Variants in ANXA3 observed in about 807,000 individuals in gnomAD.
ANXA3 encodes the protein annexin A3, also known as 35-alpha calcimedin.
A neutral mutation model predicts 48.8 loss-of-function variants in ANXA3; 46 were observed. The observed-to-expected ratio is 0.94, with a 90% CI of 0.74 to 1.21. The LOEUF (loss-of-function observed/expected upper bound fraction) is 1.21, where lower values mean the gene tolerates loss of function less well. Ranked by LOEUF, ANXA3 falls within the 50% of genes most tolerant of loss-of-function variation. The pLI is 0.00. For synonymous variants in ANXA3, 128 were observed against 134.7 expected (o/e 0.95, Z 0.35); for missense variants, 383 against 378.6 (o/e 1.01, Z -0.10).
At chr4:78,590,117 A>C (rs1169830613) in intron 6 of ANXA3, among the ~76,000 whole-genome samples, 13 of 152,204 alleles carry the variant, frequency 8.5e-5, no homozygotes, top group Non-Finnish European at 1.5e-5. Context: ...AGTCTCATCT[A>C]AATAATTCCA....
intron 5 of ANXA3, among the ~76,000 whole-genome samples, chr4:78,585,320 G>T (rs750271986): frequency 6.6e-6 from 1 of 152,162 alleles, no homozygotes; most frequent in Non-Finnish European, 1.5e-5. Context: ...CTTCTATCTT[G>T]AGGCTCTGCC....
chr4:78,597,908 C>G (rs1335666270), intron 10 of ANXA3, among the ~76,000 whole-genome samples: 1 of 152,182 alleles, frequency 6.6e-6, no homozygotes, highest in Admixed American at 6.5e-5. Context: ...GCTACCACAT[C>G]CAGCCATCTT....
At chr4:78,588,275 C>T (rs1723218889) in intron 6 of ANXA3, among the ~76,000 whole-genome samples, 1 of 152,036 alleles carries the variant, frequency 6.6e-6, no homozygotes, top group Non-Finnish European at 1.5e-5. Context: ...CGCCTACAGT[C>T]CCAGCTCCTC....
chr4:78,595,727 G>T (rs191355673), intron 8 of ANXA3, 67 bp from the exon 9 acceptor site: 5 of 1,001,106 alleles, frequency 5.0e-6, no homozygotes, highest in African/African-American at 4.9e-5. Flanking sequence ...ATACAACTCC[G>T]ATTCTTCTCA....
chr4:78,589,110 G>A (rs1277005399), intron 6 of ANXA3, among the ~76,000 whole-genome samples: 3 of 152,164 alleles, frequency 2.0e-5, no homozygotes, highest in African/African-American at 7.2e-5. Flanking sequence ...TTTCGTCTAT[G>A]TTGTTCACTG....
At chr4:78,599,115 A>C (rs887330696) in intron 10 of ANXA3, among the ~76,000 whole-genome samples, 2 of 152,234 alleles carry the variant, frequency 1.3e-5, no homozygotes, top group African/African-American at 4.8e-5. Flanking sequence ...CCAGTTTATA[A>C]AATTTTTTAT....
intron 5 of ANXA3, among the ~76,000 whole-genome samples, chr4:78,586,048 C>T (rs921340790): frequency 6.6e-6 from 1 of 152,124 alleles, no homozygotes; most frequent in South Asian, 2.1e-4. Context: ...TTGATTTTCA[C>T]ACTAGAGTGA....
chr4:78,609,884 G>T (rs12639656), intron 12 of ANXA3, among the ~76,000 whole-genome samples, 172 bp from the exon 13 acceptor site: 1 of 151,988 alleles, frequency 6.6e-6, no homozygotes, highest in African/African-American at 2.4e-5. Flanking sequence ...TGGTCAGAAC[G>T]TAATTACACT....
intron 2 of ANXA3, among the ~76,000 whole-genome samples, chr4:78,568,053 C>T (rs920266141): frequency 1.3e-5 from 2 of 151,638 alleles, no homozygotes; most frequent in African/African-American, 4.9e-5. Context: ...GGATTGGGGG[C>T]CTGCCACTGT....
chr4:78,591,440 T>C, intron 6 of ANXA3, 104 bp from the exon 7 acceptor site: 1 of 746,174 alleles, frequency 1.3e-6, no homozygotes, highest in Non-Finnish European at 2.4e-6. Context: ...ATTTATCTTA[T>C]CACATACCCA....
At chr4:78,591,671 C>T in intron 7 of ANXA3, 48 bp downstream of exon 7, 1 of 1,337,536 alleles carries the variant, frequency 7.5e-7, no homozygotes, top group Non-Finnish European at 1.1e-6. Context: ...GCTGCATGCT[C>T]AATAACAATT....
At chr4:78,586,231 TA>T in intron 5 of ANXA3, 28 bp from the exon 6 acceptor site, 1 of 1,588,488 alleles carries the variant, frequency 6.3e-7, no homozygotes, top group Non-Finnish European at 8.6e-7. Context: ...TTAAGTGTTC[TA>T]AAAATTAGAT....
chr4:78,607,322 T>C (rs1293888902), intron 12 of ANXA3, among the ~76,000 whole-genome samples: 1 of 152,196 alleles, frequency 6.6e-6, no homozygotes, highest in Non-Finnish European at 1.5e-5. Flanking sequence ...GTTTCTGAAA[T>C]TCATGGGATA....
chr4:78,560,298 G>A (rs796710591), intron 2 of ANXA3, among the ~76,000 whole-genome samples: 3 of 152,230 alleles, frequency 2.0e-5, no homozygotes, highest in Admixed American at 1.3e-4. Context: ...TTCAAGTGTC[G>A]GGAATCACCT....
At chr4:78,560,650 C>T (rs1027880355) in intron 2 of ANXA3, among the ~76,000 whole-genome samples, 1 of 152,194 alleles carries the variant, frequency 6.6e-6, no homozygotes, top group African/African-American at 2.4e-5. Flanking sequence ...CAATATCCAG[C>T]CCCTCTTTCC....
intron 3 of ANXA3, among the ~76,000 whole-genome samples, chr4:78,573,773 G>A (rs1722890818): frequency 6.6e-6 from 1 of 152,154 alleles, no homozygotes; most frequent in Admixed American, 6.5e-5. Flanking sequence ...AAACTGTAGT[G>A]CCACCCCTTT....
intron 2 of ANXA3, among the ~76,000 whole-genome samples, chr4:78,562,028 G>A (rs1027295316): frequency 2.6e-5 from 4 of 152,170 alleles, no homozygotes; most frequent in African/African-American, 7.2e-5. Context: ...CAACTGTGAA[G>A]GAGGGAGGGT....
At chr4:78,607,688 G>A (rs955357240) in intron 12 of ANXA3, among the ~76,000 whole-genome samples, 4 of 152,126 alleles carry the variant, frequency 2.6e-5, no homozygotes, top group African/African-American at 9.7e-5. Context: ...GAAACAATTA[G>A]AAGATAATAA....
At position 78,604,305 on chromosome 4, in the gene ANXA3, A is replaced by G. The variant is rs1472245710; in HGVS notation, c.818A>G (p.Asn273Ser). ...KGIGTDEFTL[N>S]RIMVSRSEID... ...ATTGGAACTGATGAGTTTACTCTGA[A>G]CCGAATAATGGTGTCCAGATCAGAA... The change falls in exon 12 of 13, where the codon AAC becomes AGC. Residue 273 changes from asparagine (N) to serine (S), a missense_variant. By Grantham distance (46) the Asn-to-Ser change is conservative. Coordinates refer to ENST00000264908, the MANE Select transcript of ANXA3 (RefSeq NM_005139.3). 1.9e-6 allele frequency: 3 copies of G among 1,613,080 alleles called. No homozygotes were observed. Among genetic ancestry groups the G allele is most frequent in the Non-Finnish European group, 2.5e-6 (3 of 1,179,320 alleles).
Sources: gnomAD v4.1 joint callset for allele counts (sites outside exome capture counted in the v4.1 genomes callset) on GRCh38, gnomAD v4.1.1 for gene constraint, MANE v1.5 for transcripts, NCBI Gene and HGNC (gene_info 2026-07-23, HGNC 2026-07-21) for gene names.